PLCB1: variants seen among roughly 807,000 people sequenced by gnomAD.
PLCB1 encodes the protein phospholipase C beta 1.
Under a neutral mutation model 161.8 loss-of-function variants are expected in PLCB1, and 46 were observed. The observed-to-expected ratio is 0.28, with a 90% CI of 0.22 to 0.36. The LOEUF is 0.36. Among genes scored for constraint, PLCB1 ranks in the 10% least tolerant of loss-of-function variants. The probability of loss-of-function intolerance (pLI) is 1.00; values close to 1 mark genes in which losing one functional copy is unlikely to be tolerated. For missense variants in PLCB1, 1,016 were observed against 1,472.5 expected, an observed-to-expected ratio of 0.69 and a Z score of 5.07; for synonymous variants, 517 against 503.7, an observed-to-expected ratio of 1.03 and a Z score of -0.35.
At chr20:8,318,248 A>G (rs1013665307) in intron 2 of PLCB1, among the ~76,000 whole-genome samples, 2 of 152,148 alleles carry the variant, frequency 1.3e-5, no homozygotes, top group Non-Finnish European at 2.9e-5. Context: ...AAAGTCAGAG[A>G]TATGTATTTT....
chr20:8,592,741 T>C (rs1987187961), intron 3 of PLCB1, among the ~76,000 whole-genome samples: 1 of 152,256 alleles, frequency 6.6e-6, no homozygotes, highest in Non-Finnish European at 1.5e-5. Flanking sequence ...ATTCAGATTT[T>C]GGAGTTTTGG....
intron 18 of PLCB1, among the ~76,000 whole-genome samples, chr20:8,732,590 TTAGA>T (rs1022260932): frequency 1.0e-4 from 15 of 145,334 alleles, no homozygotes; most frequent in East Asian, 4.0e-4. Flanking sequence ...ATATATTGTA[TTAGA>T]TAGTGTATCA....
At chr20:8,542,210 G>C (rs77110120) in intron 3 of PLCB1, among the ~76,000 whole-genome samples, 2,084 of 152,178 alleles carry the variant, frequency 0.014, 32 homozygotes, top group African/African-American at 0.043. Flanking sequence ...TCTTTCCTAC[G>C]TGTGAACCGT....
chr20:8,843,216 A>T (rs1231156923), intron 31 of PLCB1, among the ~76,000 whole-genome samples: 1 of 152,228 alleles, frequency 6.6e-6, no homozygotes, highest in East Asian at 1.9e-4. Flanking sequence ...AACTTGAAGC[A>T]TGGCAACCTT....
chr20:8,495,490 C>T (rs962962082), intron 3 of PLCB1, among the ~76,000 whole-genome samples: 2 of 150,570 alleles, frequency 1.3e-5, no homozygotes, highest in African/African-American at 4.9e-5. Flanking sequence ...CTCCACCTCC[C>T]GGGTTCACGC....
intron 31 of PLCB1, among the ~76,000 whole-genome samples, chr20:8,834,445 G>C (rs1244903046): frequency 6.6e-6 from 1 of 151,924 alleles, no homozygotes; most frequent in African/African-American, 2.4e-5. Flanking sequence ...TTTATTGCAA[G>C]GGAATTGGTT....
In PLCB1 at chr20:8,199,006, T is replaced by C. The variant is rs549376471; in HGVS notation, c.177+48635T>C. Among the ~76,000 whole-genome samples, 12 of 151,658 alleles carry C rather than the reference T, an allele frequency of 7.9e-5. No individual in the cohort carries two copies. The East Asian group carries it at 2.1e-3, about 27-fold the overall frequency. ...ACCCATTATCTGGACAGAAACATCT[T>C]AATTTGCGGGAACATTAAAAATTTT... On this transcript the variant is annotated intron_variant, in intron 2 of 31. Coordinates refer to ENST00000338037, the MANE Select transcript of PLCB1 (RefSeq NM_015192.4).
chr20:8,561,219 G>A (rs570094657), intron 3 of PLCB1, among the ~76,000 whole-genome samples: 4 of 152,040 alleles, frequency 2.6e-5, no homozygotes, highest in African/African-American at 9.6e-5. Flanking sequence ...TCAACATTTT[G>A]TGGTGGTTTG....
At chr20:8,253,582 A>G (rs112834039) in intron 2 of PLCB1, among the ~76,000 whole-genome samples, 2 of 151,992 alleles carry the variant, frequency 1.3e-5, no homozygotes, top group African/African-American at 4.8e-5. Context: ...AAGAATATTG[A>G]GTTGATATCT....
intron 2 of PLCB1, among the ~76,000 whole-genome samples, chr20:8,308,618 CAAAAAAAA>C (rs71183088): frequency 5.4e-5 from 4 of 73,614 alleles, no homozygotes; most frequent in Non-Finnish European, 1.1e-4. Context: ...TTCCGTATAT[CAAAAAAAA>C]AAAAAAAAAA....
At chr20:8,454,052 G>A (rs901384237) in intron 3 of PLCB1, among the ~76,000 whole-genome samples, 7 of 152,164 alleles carry the variant, frequency 4.6e-5, no homozygotes, top group Middle Eastern at 3.2e-3. Context: ...CCGTCTACAC[G>A]TCAGGAAGGG....
chr20:8,508,327 T>G (rs1983728356), intron 3 of PLCB1, among the ~76,000 whole-genome samples: 1 of 152,240 alleles, frequency 6.6e-6, no homozygotes, highest in African/African-American at 2.4e-5. Flanking sequence ...AGTTTTGTTT[T>G]GCTGGGGCTG....
At chr20:8,626,431 C>T (rs1032114447) in intron 3 of PLCB1, among the ~76,000 whole-genome samples, 3 of 152,044 alleles carry the variant, frequency 2.0e-5, no homozygotes, top group Middle Eastern at 3.4e-3. Flanking sequence ...TGAGAGGTGG[C>T]GATCTTTAAC....
At chr20:8,217,247 G>A (rs1979182675) in intron 2 of PLCB1, among the ~76,000 whole-genome samples, 1 of 152,112 alleles carries the variant, frequency 6.6e-6, no homozygotes, top group African/African-American at 2.4e-5. Context: ...TAGGGCTAGT[G>A]GATCTCTAAC....
At chr20:8,567,572 T>A (rs778528169) in intron 3 of PLCB1, among the ~76,000 whole-genome samples, 1 of 152,150 alleles carries the variant, frequency 6.6e-6, no homozygotes, top group Non-Finnish European at 1.5e-5. Context: ...AACATCATCA[T>A]GCATATAAAA....
rs556325576 is a variant in PLCB1, at chr20:8,538,435, C to G, written c.247-89859C>G. The stretch of plus-strand genomic sequence containing the variant: ...AACCATGGCTCACTGCAGGCTCAAG[C>G]TCCTGGGCTCAAATGATCCTCCCAC... On this transcript the variant is annotated intron_variant, in intron 3 of 31. Transcript: ENST00000338037. Among the ~76,000 whole-genome samples, 14 of 152,262 alleles carry G rather than the reference C, an allele frequency of 9.2e-5. 2 individuals are homozygous for G. The South Asian group carries it at 2.9e-3, about 32-fold the overall frequency.
chr20:8,681,538 T>C (rs754327244), intron 9 of PLCB1, among the ~76,000 whole-genome samples: 6 of 152,210 alleles, frequency 3.9e-5, no homozygotes, highest in Non-Finnish European at 7.3e-5. Context: ...TAAACCATTG[T>C]ATTAGATTGC....
At chr20:8,588,041 G>A (rs1007259858) in intron 3 of PLCB1, among the ~76,000 whole-genome samples, 2 of 152,154 alleles carry the variant, frequency 1.3e-5, no homozygotes, top group Admixed American at 6.6e-5. Context: ...CTCTGGTGTT[G>A]AGATAAATAG....
At chr20:8,349,361 G>C (rs1213076181) in intron 2 of PLCB1, among the ~76,000 whole-genome samples, 4 of 152,098 alleles carry the variant, frequency 2.6e-5, no homozygotes, top group African/African-American at 9.7e-5. Flanking sequence ...CAATATAAAG[G>C]GTCTTTTGCT....
Sources: gnomAD v4.1 joint callset for allele counts (sites outside exome capture counted in the v4.1 genomes callset) on GRCh38, gnomAD v4.1.1 for gene constraint, MANE v1.5 for transcripts, NCBI Gene and HGNC (gene_info 2026-07-23, HGNC 2026-07-21) for gene names.